The following FXYD5 variants were observed in gnomAD, a reference collection of about 807,000 sequenced individuals.
FXYD5 encodes the protein FXYD domain-containing ion transport regulator 5.
A neutral mutation model predicts 25.7 loss-of-function variants in FXYD5; 21 were observed. The ratio of observed to expected loss-of-function variants is 0.82; its 90% CI spans 0.58 to 1.18. The LOEUF (loss-of-function observed/expected upper bound fraction) is 1.18. FXYD5 is among the 50% of genes most tolerant of loss of function. FXYD5 has a pLI of 0.00. For missense variants in FXYD5, 229 were observed against 227.7 expected (o/e 1.01, Z -0.04); for synonymous variants, 101 against 90.7 (o/e 1.11, Z -0.64).
intron 8 of FXYD5, among the ~76,000 whole-genome samples, chr19:35,167,057 G>C (rs2065457102): frequency 6.6e-6 from 1 of 152,214 alleles, no homozygotes. Flanking sequence ...GAAGCAGCCA[G>C]AGTAACTACT....
At chr19:35,164,708 A>G (rs1474429469) in intron 6 of FXYD5, among the ~76,000 whole-genome samples, 3 of 152,190 alleles carry the variant, frequency 2.0e-5, no homozygotes, top group African/African-American at 7.2e-5. Context: ...TGGGTCACAT[A>G]GAGAGCCCAT....
chr19:35,159,309 G>A (rs988404834), intron 4 of FXYD5, among the ~76,000 whole-genome samples: 3 of 152,152 alleles, frequency 2.0e-5, no homozygotes, highest in Non-Finnish European at 4.4e-5. Flanking sequence ...GTCAGCATTG[G>A]GGTAGGTCCC....
chr19:35,166,667 C>T (rs991943700), intron 8 of FXYD5: 4 of 391,118 alleles, frequency 1.0e-5, no homozygotes, highest in African/African-American at 4.1e-5. Context: ...ACTAAGCTAG[C>T]CTGGGCTTGT....
chr19:35,167,711 G>A (rs1042285832), intron 8 of FXYD5, among the ~76,000 whole-genome samples: 1 of 152,040 alleles, frequency 6.6e-6, no homozygotes, highest in Admixed American at 6.6e-5. Flanking sequence ...TTGCCTTAAG[G>A]GGAGAGGCAG....
chr19:35,157,070 T>G (rs1314826201), intron 2 of FXYD5: 1 of 222,518 alleles, frequency 4.5e-6, no homozygotes, highest in African/African-American at 2.3e-5. Flanking sequence ...GCTTTGCAGA[T>G]GAAGCAACTG....
intron 1 of FXYD5, 73 bp from the exon 2 acceptor site, chr19:35,155,478 A>G: frequency 3.2e-6 from 4 of 1,243,444 alleles, no homozygotes; most frequent in Admixed American, 3.4e-5. Flanking sequence ...AAAGGGCTGC[A>G]GGATCCCCGG....
Position 35,164,023 on chromosome 19 carries a change from G to C in FXYD5, c.293-133G>C, listed in dbSNP as rs375293473. On this transcript the variant is annotated intron_variant, in intron 5 of 8. Coordinates refer to ENST00000392219, the MANE Select transcript of FXYD5 (RefSeq NM_014164.6). ...TTGCCTCTAGGTGTGGAGTAGGGGG[G>C]ATGCCTGACCCTGCACACCAGCTGT... 10 of 1,536,452 alleles carry C rather than the reference G, an allele frequency of 6.5e-6. No individual in the cohort carries two copies. In the African/African-American group the frequency reaches 1.1e-4, roughly 17 times the overall value.
chr19:35,163,990 A>G lies in FXYD5; in HGVS notation c.293-166A>G, dbSNP rs1384101322. 2.0e-6 allele frequency: 3 copies of G among 1,482,650 alleles called. No individual in the cohort carries two copies. In the African/African-American group the frequency reaches 4.2e-5, roughly 21 times the overall value. The allele number at this position is 1,482,650 out of a possible 1,614,324, so 91.8% of individuals were successfully genotyped here. On this transcript the variant is annotated intron_variant, in intron 5 of 8. Coordinates refer to ENST00000392219, the MANE Select transcript of FXYD5 (RefSeq NM_014164.6). Reference sequence around the variant, plus strand: ...TTATTTCAGCATTTCAATGCCTGTCATTACTTATTGCCTCTAGGTGTGGAG... The same window carrying G: ...TTATTTCAGCATTTCAATGCCTGTCGTTACTTATTGCCTCTAGGTGTGGAG...
At chr19:35,165,020 C>T (rs1394487881) in intron 6 of FXYD5, among the ~76,000 whole-genome samples, 1 of 152,186 alleles carries the variant, frequency 6.6e-6, no homozygotes, top group Non-Finnish European at 1.5e-5. Context: ...TTGCATTATA[C>T]TTACCAGTTC....
At chr19:35,162,576 T>C (rs1478050266) in intron 5 of FXYD5, among the ~76,000 whole-genome samples, 3 of 152,020 alleles carry the variant, frequency 2.0e-5, no homozygotes, top group African/African-American at 4.8e-5. Context: ...GAAAGCAAGC[T>C]CTCTGGTGTC....
Position 35,158,356 on chromosome 19 carries a change from C to T in FXYD5, c.155C>T (p.Thr52Ile), listed in dbSNP as rs773057620. 3 of 1,607,602 alleles carry T rather than the reference C, an allele frequency of 1.9e-6. No individual in the cohort carries two copies. In the African/African-American group the frequency reaches 4.0e-5, roughly 22 times the overall value. Residue 52 changes from threonine (T) to isoleucine (I), a missense_variant, in exon 4 of 9, where the codon ACA becomes ATA. Transcript: ENST00000392219. ...TTCTGGACTCCAGATGCAGTCTACACAGAACTCCAGCCCACCTCTCCAACC... is the reference window on the plus strand; with the variant it reads ...TTCTGGACTCCAGATGCAGTCTACATAGAACTCCAGCCCACCTCTCCAACC... ...VPTRAPDAVY[T>I]ELQPTSPTPT...
At chr19:35,161,148 A>G (rs1269590430) in intron 5 of FXYD5, among the ~76,000 whole-genome samples, 2 of 151,496 alleles carry the variant, frequency 1.3e-5, no homozygotes, top group African/African-American at 4.9e-5. Context: ...GCCTGTGGAT[A>G]TTTCTTTTTT....
chr19:35,164,693 G>C (rs902639724), intron 6 of FXYD5, among the ~76,000 whole-genome samples: 3 of 152,056 alleles, frequency 2.0e-5, no homozygotes, highest in Admixed American at 2.0e-4. Context: ...GAAATGATAC[G>C]CCCATGGGTC....
Position 35,158,132 on chromosome 19 carries a change from G to A in FXYD5, c.143-212G>A, listed in dbSNP as rs371010860. On this transcript the variant is annotated intron_variant, in intron 3 of 8. Transcript: ENST00000392219. The stretch of plus-strand genomic sequence containing the variant: ...CAGCCAGCATCTCGAAGAAGGAGCT[G>A]TAGTGTGGCATCTGTGGGACGTAAG... Among the ~76,000 whole-genome samples, 16 of 152,354 alleles carry A rather than the reference G, an allele frequency of 1.1e-4. No homozygotes were observed. The South Asian group carries it at 3.3e-3, about 32-fold the overall frequency.
intron 5 of FXYD5, 23 bp from the exon 6 acceptor site, chr19:35,164,133 C>T (rs267605426): frequency 6.2e-7 from 1 of 1,613,816 alleles, no homozygotes; most frequent in South Asian, 1.1e-5. Flanking sequence ...TCCTGCCCTC[C>T]ACTGATCTGG....
chr19:35,160,942 T>C (rs1002257750), intron 5 of FXYD5, 141 bp downstream of exon 5: 8 of 595,358 alleles, frequency 1.3e-5, no homozygotes, highest in African/African-American at 1.3e-4. Context: ...TGGTTTGTGG[T>C]CAAAGTTATT....
At chr19:35,169,419 C>T (rs934598278) in intron 8 of FXYD5, 147 bp from the exon 9 acceptor site, 3 of 645,286 alleles carry the variant, frequency 4.6e-6, no homozygotes, top group African/African-American at 1.8e-5. Flanking sequence ...TGGCTGTTCT[C>T]GGTGTGTTTC....
chr19:35,167,788 C>T (rs1360170393), intron 8 of FXYD5, among the ~76,000 whole-genome samples: 1 of 152,144 alleles, frequency 6.6e-6, no homozygotes, highest in Non-Finnish European at 1.5e-5. Flanking sequence ...GAGAGTCAAG[C>T]ACTGTTGCCT....
rs189584245 is a variant in FXYD5 at position 35,161,440 on chromosome 19, G to A, written c.292+639G>A. 2.0e-4 allele frequency among the ~76,000 whole-genome samples: 30 copies of A among 152,282 alleles called. No homozygotes were observed. The East Asian group carries it at 4.8e-3, about 25-fold the overall frequency. ...ATAGTTCTAACTTTAGGTCACATAC[G>A]TGGTGGCTAGAGAACAAAATCTTTC... On this transcript the variant is annotated intron_variant, in intron 5 of 8. Coordinates refer to ENST00000392219, the MANE Select transcript of FXYD5 (RefSeq NM_014164.6).
Sources: gnomAD v4.1 joint callset for allele counts (sites outside exome capture counted in the v4.1 genomes callset) on GRCh38, gnomAD v4.1.1 for gene constraint, MANE v1.5 for transcripts, NCBI Gene and HGNC (gene_info 2026-07-23, HGNC 2026-07-21) for gene names.